GARIN2: variants seen among roughly 807,000 people sequenced by gnomAD.
The protein encoded by GARIN2 is golgi associated RAB2 interactor family member 2.
the GARIN2 span, chr14:67,198,347 A>T: frequency 6.3e-7 from 1 of 1,587,870 alleles, no homozygotes; most frequent in African/African-American, 1.3e-5. Context: ...GCCTGAGTTA[A>T]GTTCCAATAA....
chr14:67,204,210 G>A, the GARIN2 span, among the ~76,000 whole-genome samples: 1 of 152,126 alleles, frequency 6.6e-6, no homozygotes, highest in African/African-American at 2.4e-5. Flanking sequence ...GCCAAGGCAG[G>A]TGAATTGCTT....
At chr14:67,200,261 A>C in the GARIN2 span, 1 of 818,150 alleles carries the variant, frequency 1.2e-6, no homozygotes, top group Non-Finnish European at 1.9e-6. Context: ...CTCTCCCTCC[A>C]ACCAGGCCCA....
At chr14:67,221,740 T>C in the GARIN2 span, 1 of 1,610,234 alleles carries the variant, frequency 6.2e-7, no homozygotes, top group Non-Finnish European at 8.5e-7. Flanking sequence ...TTTGTGGTTA[T>C]GCTGGCAAAT....
At chr14:67,201,440 C>T in the GARIN2 span, 1 of 456,110 alleles carries the variant, frequency 2.2e-6, no homozygotes. Flanking sequence ...GCCAGCTCCC[C>T]TCAGGGCCTC....
At chr14:67,197,597 C>G in the GARIN2 span, among the ~76,000 whole-genome samples, 47 of 152,124 alleles carry the variant, frequency 3.1e-4, no homozygotes, top group Admixed American at 2.1e-3. Flanking sequence ...GACTTAGAGT[C>G]TCATAAGGAG....
the GARIN2 span, chr14:67,200,285 A>G: frequency 1.4e-6 from 1 of 731,144 alleles, no homozygotes; most frequent in Non-Finnish European, 2.3e-6. Context: ...CCCAGCCACC[A>G]GTTGCCCCTC....
chr14:67,220,983 T>C, the GARIN2 span, among the ~76,000 whole-genome samples: 7 of 152,356 alleles, frequency 4.6e-5, no homozygotes, highest in African/African-American at 7.2e-5. Context: ...ATTTGTTTTA[T>C]TCAATACTTC....
chr14:67,226,865 T>C, the GARIN2 span, among the ~76,000 whole-genome samples: 5 of 152,342 alleles, frequency 3.3e-5, no homozygotes, highest in African/African-American at 1.2e-4. Context: ...CTTAACTTGT[T>C]GTATGGTGTG....
the GARIN2 span, chr14:67,227,623 G>C: frequency 6.6e-6 from 1 of 152,010 alleles, no homozygotes; most frequent in Non-Finnish European, 1.5e-5. Flanking sequence ...TAATGTGAAA[G>C]TTATTTGGAC....
chr14:67,220,974 T>C, the GARIN2 span, among the ~76,000 whole-genome samples: 1 of 152,222 alleles, frequency 6.6e-6, no homozygotes, highest in Non-Finnish European at 1.5e-5. Context: ...TCCTAAACTA[T>C]TTGTTTTATT....
chr14:67,206,469 C>A, the GARIN2 span, among the ~76,000 whole-genome samples: 1 of 152,000 alleles, frequency 6.6e-6, no homozygotes, highest in Non-Finnish European at 1.5e-5. Flanking sequence ...GCACTCCAGC[C>A]TGGGCAACAG....
the GARIN2 span, chr14:67,204,641 C>T: frequency 6.2e-7 from 1 of 1,613,882 alleles, no homozygotes; most frequent in African/African-American, 1.3e-5. Flanking sequence ...CAGCTCTGCA[C>T]CTCTGCATAT....
At chr14:67,210,835 A>G in the GARIN2 span, among the ~76,000 whole-genome samples, 1 of 152,070 alleles carries the variant, frequency 6.6e-6, no homozygotes, top group African/African-American at 2.4e-5. Flanking sequence ...CTACATGGTG[A>G]AACCCTGTCT....
At chr14:67,216,122 T>C in the GARIN2 span, among the ~76,000 whole-genome samples, 2 of 152,168 alleles carry the variant, frequency 1.3e-5, no homozygotes, top group South Asian at 2.1e-4. Flanking sequence ...ATCTAACATG[T>C]GGTACATTTG....
the GARIN2 span, among the ~76,000 whole-genome samples, chr14:67,194,600 G>A: frequency 1.3e-5 from 2 of 152,034 alleles, no homozygotes; most frequent in Non-Finnish European, 2.9e-5. Flanking sequence ...CCGCCTCCCG[G>A]GTTCAAGAGA....
chr14:67,208,545 GA>G, the GARIN2 span: 2 of 1,289,826 alleles, frequency 1.6e-6, no homozygotes, highest in South Asian at 1.5e-5. Context: ...ATCTGCCACT[GA>G]AGATTCTCAG....
the GARIN2 span, among the ~76,000 whole-genome samples, chr14:67,207,989 G>T: frequency 6.6e-6 from 1 of 152,164 alleles, no homozygotes; most frequent in Non-Finnish European, 1.5e-5. Flanking sequence ...GGCTGCAGTG[G>T]CGCAGTCCCT....
chr14:67,202,998 T>C, the GARIN2 span: 1 of 1,305,874 alleles, frequency 7.7e-7, no homozygotes, highest in South Asian at 1.5e-5. Flanking sequence ...TCATTCCTCC[T>C]TTATTTCCTA....
chr14:67,217,487 CCTTA>C, the GARIN2 span, among the ~76,000 whole-genome samples: 1 of 152,046 alleles, frequency 6.6e-6, no homozygotes, highest in South Asian at 2.1e-4. Flanking sequence ...ATCATTTGCT[CCTTA>C]CTTCTCTTAT....
Sources: gnomAD v4.1 joint callset for allele counts (sites outside exome capture counted in the v4.1 genomes callset) on GRCh38, gnomAD v4.1.1 for gene constraint, MANE v1.5 for transcripts, NCBI Gene and HGNC (gene_info 2026-07-23, HGNC 2026-07-21) for gene names.